Variants in CYLD observed in about 807,000 individuals in gnomAD.
CYLD encodes CYLD lysine 63 deubiquitinase.
CYLD carries 26 observed loss-of-function variants against 104.5 expected under a neutral mutation model. The ratio of observed to expected loss-of-function variants is 0.25; its 90% CI spans 0.18 to 0.35. The LOEUF (loss-of-function observed/expected upper bound fraction) is 0.35, where lower values mean the gene tolerates loss of function less well. Ranked by LOEUF, CYLD falls within the 10% of genes least tolerant of loss-of-function variation. The pLI is 1.00. For missense variants in CYLD, 703 were observed against 1,136.1 expected (o/e 0.62, Z 5.48); for synonymous variants, 385 against 399.9 (o/e 0.96, Z 0.45).
intron 5 of CYLD, among the ~76,000 whole-genome samples, chr16:50,763,945 A>G (rs920145497): frequency 2.0e-5 from 3 of 152,178 alleles, no homozygotes; most frequent in African/African-American, 4.8e-5. Flanking sequence ...TAACAGTTTT[A>G]TCATGAATTG....
intron 5 of CYLD, among the ~76,000 whole-genome samples, chr16:50,755,198 TATG>T (rs2150921717): frequency 7.0e-6 from 1 of 142,710 alleles, no homozygotes; most frequent in African/African-American, 2.6e-5. Context: ...CACGTGTACA[TATG>T]TGTGTGTATA....
Position 50,779,667 on chromosome 16 carries a change from G to T in CYLD, c.1141G>T (p.Ala381Ser), listed in dbSNP as rs749069777. ...SKNTWYIDEVAEDPAKSLTEI... is the reference protein window; with the variant it reads ...SKNTWYIDEVSEDPAKSLTEI... ...TGTAATTAGGAATAATTTTTTAGTTGCAGAAGACCCTGCAAAATCTCTTAC... is the reference window on the plus strand; with the variant it reads ...TGTAATTAGGAATAATTTTTTAGTTTCAGAAGACCCTGCAAAATCTCTTAC... Residue 381 changes from alanine to serine, a missense_variant and splice_region_variant, in exon 9 of 19, where the codon GCA becomes TCA. Coordinates refer to ENST00000427738, the MANE Select transcript of CYLD (RefSeq NM_001378743.1). The T allele has an allele frequency of 4.3e-6, 7 of 1,613,340 alleles. No homozygotes were observed. The Admixed American group carries it at 1.0e-4, about 23-fold the overall frequency.
Position 50,749,855 on chromosome 16 carries a change from C to G in CYLD, c.157C>G (p.Arg53Gly), listed in dbSNP as rs1196482079. The change falls in exon 3 of 19, where the codon CGT becomes GGT. Residue 53 changes from arginine to glycine, a missense_variant. This residue lies in a region of CYLD where 142 missense variants were observed against 165.1 expected (regional missense o/e 0.86). Coordinates refer to ENST00000427738, the MANE Select transcript of CYLD (RefSeq NM_001378743.1). ...KGSIGQYIQD[R>G]SVGHSRIPSA... ...AAGTATAGGACAGTATATTCAAGAT[C>G]GTTCTGTGGGGCATTCAAGGATTCC... is the stretch of plus-strand genomic sequence containing the variant. The G allele has an allele frequency of 6.2e-7, 1 of 1,614,098 alleles. No individual in the cohort carries two copies. Among genetic ancestry groups the G allele is most frequent in the African/African-American group, 1.3e-5 (1 of 75,038 alleles).
intron 5 of CYLD, among the ~76,000 whole-genome samples, chr16:50,774,209 T>C (rs1381763800): frequency 1.3e-5 from 2 of 152,230 alleles, no homozygotes; most frequent in Non-Finnish European, 2.9e-5. Flanking sequence ...GAAATTTATA[T>C]GCTATAATTT....
At chr16:50,789,495 A>G (rs1971211604) in intron 14 of CYLD, among the ~76,000 whole-genome samples, 1 of 152,132 alleles carries the variant, frequency 6.6e-6, no homozygotes, top group South Asian at 2.1e-4. Context: ...CTCTGAATAT[A>G]TCTCAGAGTC....
intron 12 of CYLD, chr16:50,785,874 C>T (rs1342652692): frequency 6.6e-6 from 1 of 152,166 alleles, no homozygotes; most frequent in Non-Finnish European, 1.5e-5. Flanking sequence ...GGTTACGTTA[C>T]TATGTAAGTG....
At position 50,796,352 on chromosome 16, in the gene CYLD, A is replaced by G; in HGVS notation, c.2715A>G (p.Gln905=). ...DGGQNGFNIP[Q]VTPCPEVGEY... ...GTCAGAATGGCTTCAACATTCCTCA[A>G]GTCACCCCATGCCCAGAAGTAGGAG... Residue 905 remains glutamine, a synonymous_variant, in exon 19 of 19, where the codon CAA becomes CAG. Transcript: ENST00000427738. 1 of 1,614,226 alleles carries G rather than the reference A, an allele frequency of 6.2e-7. No individual in the cohort carries two copies. The highest frequency in any genetic ancestry group is 8.5e-7 in the Non-Finnish European group (1 of 1,180,036).
At chr16:50,785,612 T>C (rs1970730010) in intron 12 of CYLD, 1 of 152,200 alleles carries the variant, frequency 6.6e-6, no homozygotes, top group African/African-American at 2.4e-5. Context: ...ACCTCCTTCC[T>C]AGAAGAGAGG....
rs77960423 is a variant in CYLD, at chr16:50,756,830, G to A, written c.913+2406G>A. On this transcript the variant is annotated intron_variant, in intron 5 of 18. Transcript: ENST00000427738. ...TTTCGCTGATAAAAAGCTGGGGCTC[G>A]GATGGACAACAATTACCAAAATCAA... Among the ~76,000 whole-genome samples the A allele has an allele frequency of 8.3e-3, 1,263 of 152,192 alleles. 15 individuals are homozygous for A. The highest frequency in any genetic ancestry group is 0.026 in the African/African-American group (1,072 of 41,512).
rs150641352 is a variant in CYLD at position 50,801,348 on chromosome 16, G to A, written c.*4840G>A. On this transcript the variant is annotated 3_prime_UTR_variant, in exon 19 of 19. Transcript: ENST00000427738. ...CCTGGCCCTTTGCCTTGGCAGTGATGGCATTTTTATTTCACTGTGTTTTAA... is the reference window on the plus strand; with the variant it reads ...CCTGGCCCTTTGCCTTGGCAGTGATAGCATTTTTATTTCACTGTGTTTTAA... The A allele has an allele frequency of 1.2e-4, 28 of 233,460 alleles. No homozygotes were observed. The South Asian group carries it at 1.5e-3, about 12-fold the overall frequency. The allele number at this position is 233,460 out of a possible 1,614,324, so 14.5% of individuals were successfully genotyped here.
chr16:50,793,519 A>T (rs376799359), intron 16 of CYLD, 27 bp from the exon 17 acceptor site: 8 of 1,461,476 alleles, frequency 5.5e-6, no homozygotes, highest in Non-Finnish European at 7.7e-6. Flanking sequence ...AGTCCTCTTA[A>T]CTTCCCTTCC....
intron 2 of CYLD, chr16:50,744,600 G>C (rs1437176009): frequency 6.6e-6 from 1 of 152,328 alleles, no homozygotes. Flanking sequence ...ATCTGTCTTT[G>C]TGAGATCCTT....
chr16:50,767,104 A>G (rs1423525490), intron 5 of CYLD, among the ~76,000 whole-genome samples: 1 of 152,216 alleles, frequency 6.6e-6, no homozygotes, highest in African/African-American at 2.4e-5. Context: ...GTCTTATTTT[A>G]GGAAATTGCC....
intron 7 of CYLD, 96 bp downstream of exon 7, chr16:50,776,373 A>G (rs1969685804): frequency 6.7e-6 from 6 of 890,400 alleles, no homozygotes; most frequent in South Asian, 1.4e-5. Context: ...CTGAACATGT[A>G]TGTAGACTTT....
intron 5 of CYLD, among the ~76,000 whole-genome samples, chr16:50,759,042 C>T (rs1022509361): frequency 1.3e-5 from 2 of 152,038 alleles, no homozygotes; most frequent in Non-Finnish European, 1.5e-5. Flanking sequence ...AGTTCGAGAC[C>T]AGCTTGGCCA....
intron 5 of CYLD, among the ~76,000 whole-genome samples, chr16:50,772,623 A>G (rs111689720): frequency 3.3e-5 from 5 of 152,298 alleles, no homozygotes; most frequent in African/African-American, 4.8e-5. Flanking sequence ...GTTGTTTTCA[A>G]TCTTTTGCTG....
intron 5 of CYLD, among the ~76,000 whole-genome samples, chr16:50,764,446 G>A (rs1444666026): frequency 2.0e-5 from 3 of 151,994 alleles, no homozygotes; most frequent in Non-Finnish European, 4.4e-5. Flanking sequence ...GTTTATAAAA[G>A]CCTCTTAATT....
intron 2 of CYLD, among the ~76,000 whole-genome samples, chr16:50,747,225 C>T (rs149805874): frequency 5.3e-4 from 80 of 152,314 alleles, no homozygotes; most frequent in African/African-American, 1.8e-3. Flanking sequence ...CCTCTTTTCA[C>T]GATTGTTGCT....
rs930095825 is a variant in CYLD, at chr16:50,797,760, A to T, written c.*1252A>T. 3 of 232,668 alleles carry T rather than the reference A, an allele frequency of 1.3e-5. No individual in the cohort carries two copies. The highest frequency in any genetic ancestry group is 6.6e-5 in the African/African-American group (3 of 45,304). 14.4% of individuals were successfully genotyped at this position (232,668 alleles called of 1,614,324 possible). Reference sequence around the variant, plus strand: ...AGTCATCATATGTATATGTCATATGACTTTATAAAATATTTAATGTGACAA... The same window carrying T: ...AGTCATCATATGTATATGTCATATGTCTTTATAAAATATTTAATGTGACAA... On this transcript the variant is annotated 3_prime_UTR_variant, in exon 19 of 19. Transcript: ENST00000427738.
Sources: allele counts gnomAD v4.1 joint callset (sites outside exome capture counted in the v4.1 genomes callset), GRCh38; gene constraint gnomAD v4.1.1; regional missense constraint gnomAD v4.1.1; transcripts MANE v1.5; gene names NCBI Gene and HGNC (gene_info 2026-07-23, HGNC 2026-07-21).